FRMD4A: variants seen among roughly 807,000 people sequenced by gnomAD.
FRMD4A encodes FERM domain-containing protein 4A.
In FRMD4A, 29 loss-of-function variants were observed where a neutral mutation model predicts 129.1. The observed-to-expected ratio is 0.22, with a 90% confidence interval of 0.17 to 0.31. The LOEUF is 0.31. FRMD4A is among the 10% of genes least tolerant of loss of function. The pLI is 1.00. For missense variants in FRMD4A, 1,272 were observed against 1,375.8 expected (o/e 0.92, Z 1.19); for synonymous variants, 634 against 571.6 (o/e 1.11, Z -1.56).
intron 2 of FRMD4A, among the ~76,000 whole-genome samples, chr10:14,020,193 C>T (rs914842249): frequency 3.9e-5 from 6 of 152,168 alleles, no homozygotes; most frequent in Non-Finnish European, 5.9e-5. Flanking sequence ...CTTGTGCACG[C>T]GAACATGTGT....
chr10:13,779,281 A>T (rs955993375), intron 6 of FRMD4A, among the ~76,000 whole-genome samples: 1 of 151,670 alleles, frequency 6.6e-6, no homozygotes, highest in Non-Finnish European at 1.5e-5. Flanking sequence ...ATGCCATTAC[A>T]CTACAGCCTG....
intron 2 of FRMD4A, among the ~76,000 whole-genome samples, chr10:14,134,014 C>T (rs115236744): frequency 4.8e-4 from 73 of 152,264 alleles, no homozygotes; most frequent in African/African-American, 1.7e-3. Flanking sequence ...CTCTGAGTCT[C>T]GGCCAGGCTG....
intron 2 of FRMD4A, among the ~76,000 whole-genome samples, chr10:14,245,905 C>A (rs886365915): frequency 6.6e-6 from 1 of 152,212 alleles, no homozygotes; most frequent in Non-Finnish European, 1.5e-5. Flanking sequence ...CAGACCAACT[C>A]TGAAAACCCT....
intron 2 of FRMD4A, among the ~76,000 whole-genome samples, chr10:14,115,004 A>G (rs146571142): frequency 3.0e-3 from 454 of 152,298 alleles, no homozygotes; most frequent in Non-Finnish European, 5.7e-3. Flanking sequence ...ACACAGTGAC[A>G]TAAGACATGA....
chr10:13,972,255 C>T (rs1338582984), intron 2 of FRMD4A: 1 of 992,326 alleles, frequency 1.0e-6, no homozygotes, highest in Non-Finnish European at 1.2e-6. Flanking sequence ...GCAGCCTTCC[C>T]TGCAACATTC....
chr10:13,785,317 A>G (rs968403801), intron 5 of FRMD4A, among the ~76,000 whole-genome samples: 1 of 152,208 alleles, frequency 6.6e-6, no homozygotes, highest in Non-Finnish European at 1.5e-5. Flanking sequence ...AATTTGGAGG[A>G]ATTACGCAGT....
intron 17 of FRMD4A, chr10:13,668,537 AC>A (rs1564563849): frequency 6.6e-6 from 1 of 152,104 alleles, no homozygotes; most frequent in Admixed American, 6.5e-5. Context: ...TCCCAGAGGA[AC>A]CCCGCAGAAT....
chr10:13,869,847 G>C (rs1019037692), intron 2 of FRMD4A, among the ~76,000 whole-genome samples: 1 of 152,174 alleles, frequency 6.6e-6, no homozygotes, highest in Non-Finnish European at 1.5e-5. Flanking sequence ...CACACAATTA[G>C]GAAGATTTAT....
At chr10:14,036,478 G>C (rs988987555) in intron 2 of FRMD4A, among the ~76,000 whole-genome samples, 1 of 152,186 alleles carries the variant, frequency 6.6e-6, no homozygotes, top group Middle Eastern at 3.2e-3. Context: ...CAGGCCAAGG[G>C]GAGCGGAGTA....
At chr10:13,682,799 C>T (rs912385872) in intron 15 of FRMD4A, among the ~76,000 whole-genome samples, 3 of 152,104 alleles carry the variant, frequency 2.0e-5, no homozygotes, top group Admixed American at 6.6e-5. Context: ...TGAGCCACTG[C>T]GCCTGGCCTC....
intron 3 of FRMD4A, among the ~76,000 whole-genome samples, chr10:13,826,699 G>A (rs1302491078): frequency 6.6e-6 from 1 of 152,132 alleles, no homozygotes; most frequent in Non-Finnish European, 1.5e-5. Context: ...AGCTGATGAT[G>A]TCGTTTTCGA....
intron 6 of FRMD4A, among the ~76,000 whole-genome samples, chr10:13,769,306 T>C (rs2092385830): frequency 6.6e-6 from 1 of 150,464 alleles, no homozygotes; most frequent in Non-Finnish European, 1.5e-5. Context: ...AGGCCAAGGG[T>C]TACCCAGATT....
At chr10:13,875,819 T>C (rs2094483428) in intron 2 of FRMD4A, among the ~76,000 whole-genome samples, 1 of 152,034 alleles carries the variant, frequency 6.6e-6, no homozygotes, top group African/African-American at 2.4e-5. Context: ...ACCAGATACT[T>C]GTGAGGCAAA....
chr10:13,700,717 C>A (rs934484150), intron 14 of FRMD4A, among the ~76,000 whole-genome samples: 1 of 151,758 alleles, frequency 6.6e-6, no homozygotes, highest in Admixed American at 6.6e-5. Context: ...CACCAGAAAA[C>A]GCAGCTGCGT....
At chr10:13,818,702 T>C (rs1201647596) in intron 3 of FRMD4A, among the ~76,000 whole-genome samples, 2 of 152,226 alleles carry the variant, frequency 1.3e-5, no homozygotes, top group Admixed American at 6.5e-5. Context: ...ATAATGACTA[T>C]ACCCAGGTCA....
intron 2 of FRMD4A, among the ~76,000 whole-genome samples, chr10:13,859,523 C>G (rs985711828): frequency 3.3e-5 from 5 of 152,156 alleles, no homozygotes; most frequent in African/African-American, 9.7e-5. Context: ...AATAAATTAG[C>G]AAATATATAT....
In FRMD4A at chr10:14,227,243, C is replaced by CTT. The variant is rs10674411; in HGVS notation, c.45+102813_45+102814dup. ...TCCTCCTCCTCCTTCTCTTCTTCTT[C>CTT]TTTTTTTTTTTTTTTTTTTTTTTTT... On this transcript the variant is annotated intron_variant, in intron 2 of 24. Coordinates refer to ENST00000357447, the MANE Select transcript of FRMD4A (RefSeq NM_018027.5). Among the ~76,000 whole-genome samples the CTT allele has an allele frequency of 7.3e-3, 471 of 64,118 alleles. 120 individuals carry two copies. Among genetic ancestry groups the CTT allele is most frequent in the Non-Finnish European group, 7.3e-3 (268 of 36,878 alleles). The allele number at this position is 64,118 out of a possible 152,430, so 42.1% of individuals were successfully genotyped here.
intron 2 of FRMD4A, among the ~76,000 whole-genome samples, chr10:13,929,311 G>T (rs1280266736): frequency 6.6e-6 from 1 of 152,178 alleles, no homozygotes; most frequent in Non-Finnish European, 1.5e-5. Context: ...TGTTCTCCAG[G>T]CTGAGTCCTT....
At position 13,740,517 on chromosome 10, in the gene FRMD4A, G is replaced by T; in HGVS notation, c.609C>A (p.Ile203=). The change falls in exon 10 of 25, where the codon ATC becomes ATA. Residue 203 remains isoleucine (I), a synonymous_variant. Coordinates refer to ENST00000357447, the MANE Select transcript of FRMD4A (RefSeq NM_018027.5). ...GCTGGGAAGGGGCCACTTACTTTAC[G>T]ATTGCTTGACCTCTTGTCTGACCGT... The part of the protein sequence containing the change: ...KLNGQTRGQA[I]VNYMSIVESL... The T allele has an allele frequency of 4.5e-6, 7 of 1,569,362 alleles. No homozygotes were observed. Among genetic ancestry groups the T allele is most frequent in the Non-Finnish European group, 6.1e-6 (7 of 1,141,222 alleles).
Sources: allele counts gnomAD v4.1 joint callset (sites outside exome capture counted in the v4.1 genomes callset), GRCh38; gene constraint gnomAD v4.1.1; transcripts MANE v1.5; gene names NCBI Gene and HGNC (gene_info 2026-07-23, HGNC 2026-07-21).